Variants in SOX6 observed in about 807,000 individuals in gnomAD.
The protein encoded by SOX6 is SRY-box transcription factor 6, also known as transcription factor SOX-6.
Under a neutral mutation model 97.8 loss-of-function variants are expected in SOX6, and 11 were observed. The observed-to-expected ratio is 0.11, with a 90% CI of 0.07 to 0.19. The LOEUF (loss-of-function observed/expected upper bound fraction) is 0.19. SOX6 is among the 10% of genes least tolerant of loss of function. SOX6 has a pLI of 1.00. For synonymous variants in SOX6, 360 were observed against 371.4 expected (o/e 0.97, Z 0.35); for missense variants, 810 against 1,039.5 (o/e 0.78, Z 3.04).
chr11:16,026,095 T>C (rs1015696296), intron 12 of SOX6, among the ~76,000 whole-genome samples: 1 of 152,146 alleles, frequency 6.6e-6, no homozygotes, highest in Non-Finnish European at 1.5e-5. Flanking sequence ...CTACCAACTA[T>C]GCTAGTCCCT....
At chr11:15,976,825 T>A (rs890742558) in intron 15 of SOX6, among the ~76,000 whole-genome samples, 4 of 152,160 alleles carry the variant, frequency 2.6e-5, no homozygotes, top group African/African-American at 7.2e-5. Flanking sequence ...CTGAAATATT[T>A]CCATTATACC....
chr11:16,337,415 T>C (rs1237586468), intron 2 of SOX6, among the ~76,000 whole-genome samples: 1 of 152,100 alleles, frequency 6.6e-6, no homozygotes, highest in Non-Finnish European at 1.5e-5. Flanking sequence ...TGAAACATTA[T>C]CACAAAAATA....
At chr11:16,442,915 AGGTT>A (rs1444108385) in intron 1 of SOX6, among the ~76,000 whole-genome samples, 2 of 152,190 alleles carry the variant, frequency 1.3e-5, no homozygotes, top group African/African-American at 4.8e-5. Context: ...AATATTTTCC[AGGTT>A]CATATCAGGA....
At chr11:16,023,666 C>A (rs1468644038) in intron 12 of SOX6, among the ~76,000 whole-genome samples, 2 of 152,138 alleles carry the variant, frequency 1.3e-5, no homozygotes, top group Non-Finnish European at 2.9e-5. Flanking sequence ...TATCCTTACA[C>A]ATCTCTTACA....
At chr11:16,100,965 C>A (rs1008786833) in intron 7 of SOX6, among the ~76,000 whole-genome samples, 2 of 151,626 alleles carry the variant, frequency 1.3e-5, no homozygotes, top group East Asian at 1.9e-4. Flanking sequence ...ATTCTTCAGT[C>A]GCATACCTCA....
chr11:16,721,500 G>GTCTCTGTC (rs1848261225), intron 2 of SOX6, among the ~76,000 whole-genome samples: 4 of 28,672 alleles, frequency 1.4e-4, no homozygotes, highest in African/African-American at 5.4e-4. Context: ...GGTCTTTTCT[G>GTCTCTGTC]TCTCTCTCTC....
chr11:16,024,145 A>T (rs191196055), intron 12 of SOX6, among the ~76,000 whole-genome samples: 1 of 152,278 alleles, frequency 6.6e-6, no homozygotes, highest in Admixed American at 6.5e-5. Context: ...ATGTGTGCAC[A>T]TGGAGGAAAG....
At chr11:16,032,352 A>C (rs938901612) in intron 12 of SOX6, among the ~76,000 whole-genome samples, 1 of 152,166 alleles carries the variant, frequency 6.6e-6, no homozygotes, top group African/African-American at 2.4e-5. Context: ...AATAATCTTT[A>C]CCTCACAGGA....
intron 3 of SOX6, among the ~76,000 whole-genome samples, chr11:16,713,263 GA>G (rs987833648): frequency 6.6e-6 from 1 of 151,700 alleles, no homozygotes; most frequent in Admixed American, 6.6e-5. Context: ...TAAAAAACTA[GA>G]AAAAAATACA....
At chr11:16,005,173 T>G (rs1355223953) in intron 13 of SOX6, among the ~76,000 whole-genome samples, 1 of 152,060 alleles carries the variant, frequency 6.6e-6, no homozygotes, top group Non-Finnish European at 1.5e-5. Context: ...CTATTCTTCA[T>G]GTAGTTACTA....
At chr11:16,333,455 T>C (rs1856371583) in intron 2 of SOX6, among the ~76,000 whole-genome samples, 1 of 152,082 alleles carries the variant, frequency 6.6e-6, no homozygotes, top group East Asian at 1.9e-4. Flanking sequence ...TTAAGAAGGA[T>C]TTCTGTACAA....
chr11:16,476,046 C>G (rs1710993187), intron 1 of SOX6, among the ~76,000 whole-genome samples: 1 of 152,140 alleles, frequency 6.6e-6, no homozygotes, highest in South Asian at 2.1e-4. Context: ...GCCCTATTCT[C>G]AAAGAGTAAG....
chr11:16,113,296 A>C (rs893039173), intron 6 of SOX6, among the ~76,000 whole-genome samples: 23 of 152,240 alleles, frequency 1.5e-4, no homozygotes, highest in African/African-American at 5.5e-4. Context: ...TTCTCAAGAA[A>C]ATCAACTTAT....
chr11:16,734,983 C>T (rs571157588), intron 2 of SOX6, among the ~76,000 whole-genome samples: 1 of 152,132 alleles, frequency 6.6e-6, no homozygotes, highest in African/African-American at 2.4e-5. Flanking sequence ...ACCTCAAGAA[C>T]TGAATTCTTA....
chr11:15,983,329 A>G (rs1004962758), intron 15 of SOX6, among the ~76,000 whole-genome samples: 2 of 152,106 alleles, frequency 1.3e-5, no homozygotes, highest in Non-Finnish European at 2.9e-5. Flanking sequence ...TCCCTTCCAT[A>G]TTATTGATAA....
intron 9 of SOX6, among the ~76,000 whole-genome samples, chr11:16,079,229 C>T (rs957591870): frequency 6.6e-6 from 1 of 152,074 alleles, no homozygotes. Flanking sequence ...CATAATGAAG[C>T]TTCCAAAAGA....
rs1365784833 is a variant in SOX6 at position 15,970,035 on chromosome 11, G to T, written c.*2774C>A. 1 of 152,164 alleles carries T rather than the reference G, an allele frequency of 6.6e-6. No individual in the cohort carries two copies. The highest frequency in any genetic ancestry group is 1.5e-5 in the Non-Finnish European group (1 of 68,026). The allele number at this position is 152,164 out of a possible 1,614,324, so 9.4% of individuals were successfully genotyped here. Reference sequence around the variant, plus strand: ...AAGTGTTCATACACACATGTATTTTGCATAAATAAATGAAATAACAAGACA... The same window carrying T: ...AAGTGTTCATACACACATGTATTTTTCATAAATAAATGAAATAACAAGACA... On this transcript the variant is annotated 3_prime_UTR_variant, in exon 16 of 16. Coordinates refer to ENST00000683767, the MANE Select transcript of SOX6 (RefSeq NM_001367873.1).
chr11:16,733,803 G>A (rs1318981852), intron 2 of SOX6, among the ~76,000 whole-genome samples: 1 of 150,636 alleles, frequency 6.6e-6, no homozygotes, highest in Non-Finnish European at 1.5e-5. Flanking sequence ...GAGGCGGGTG[G>A]ATCACAGGGT....
intron 15 of SOX6, among the ~76,000 whole-genome samples, chr11:15,978,291 C>G (rs1035838343): frequency 1.3e-5 from 2 of 151,888 alleles, no homozygotes; most frequent in Non-Finnish European, 2.9e-5. Context: ...TTTCTTAAAC[C>G]CACTTCAATC....
Sources: allele counts gnomAD v4.1 joint callset (sites outside exome capture counted in the v4.1 genomes callset), GRCh38; gene constraint gnomAD v4.1.1; transcripts MANE v1.5; gene names NCBI Gene and HGNC (gene_info 2026-07-23, HGNC 2026-07-21).